The following SMG1 variants were observed in gnomAD, a reference collection of about 807,000 sequenced individuals.
SMG1 encodes the protein serine/threonine-protein kinase SMG1.
Under a neutral mutation model 419.9 loss-of-function variants are expected in SMG1, and 22 were observed. The ratio of observed to expected loss-of-function variants is 0.05; its 90% confidence interval spans 0.04 to 0.07. SMG1 has a LOEUF of 0.07. Among genes scored for constraint, SMG1 ranks in the 10% least tolerant of loss-of-function variants. The probability of loss-of-function intolerance (pLI) is 1.00; values close to 1 mark genes in which losing one functional copy is unlikely to be tolerated. For synonymous variants in SMG1, 1,538 were observed against 1,553.5 expected, an observed-to-expected ratio of 0.99 and a Z score of 0.23; for missense variants, 3,185 against 4,342.0, an observed-to-expected ratio of 0.73 and a Z score of 7.49.
intron 60 of SMG1, among the ~76,000 whole-genome samples, chr16:18,814,435 G>A (rs1009754398): frequency 1.3e-5 from 2 of 151,626 alleles, no homozygotes; most frequent in African/African-American, 4.8e-5. Context: ...GGGGGTGGAG[G>A]TTACAGTGAG....
intron 50 of SMG1, 76 bp downstream of exon 50, chr16:18,834,128 T>C: frequency 9.1e-7 from 1 of 1,097,810 alleles, no homozygotes; most frequent in Non-Finnish European, 1.3e-6. Flanking sequence ...GTCAAATTGC[T>C]TTCCTGGGTT....
In SMG1 at chr16:18,819,669, A is replaced by G; in HGVS notation, c.9742-15T>C. ...GCTAGCTTCTCCTATAAAAGCCAGC[A>G]GAATCTTGGTGAAGGTATATGACAT... is the stretch of plus-strand genomic sequence containing the variant. On this transcript the variant is annotated splice_polypyrimidine_tract_variant and intron_variant, in intron 55 of 62. Transcript: ENST00000446231. The G allele has an allele frequency of 6.5e-7, 1 of 1,536,698 alleles. No homozygotes were observed. The highest frequency in any genetic ancestry group is 8.8e-7 in the Non-Finnish European group (1 of 1,142,706).
At chr16:18,922,084 G>C (rs1596671625) in intron 1 of SMG1, among the ~76,000 whole-genome samples, 1 of 152,228 alleles carries the variant, frequency 6.6e-6, no homozygotes, top group East Asian at 1.9e-4. Context: ...CTTCTTTGTT[G>C]AATTAATCAA....
At chr16:18,844,474 TACAC>T (rs71141074) in intron 39 of SMG1, among the ~76,000 whole-genome samples, 268 of 4,176 alleles carry the variant, frequency 0.064, 91 homozygotes, top group East Asian at 0.093. Context: ...CCCGCCCACC[TACAC>T]ACACACACAC....
intron 27 of SMG1, 109 bp downstream of exon 27, chr16:18,859,447 G>C (rs1176145412): frequency 1.6e-5 from 10 of 638,400 alleles, no homozygotes; most frequent in Non-Finnish European, 2.7e-5. Flanking sequence ...GAAGCTATTA[G>C]CACTAGTATT....
intron 1 of SMG1, chr16:18,900,139 T>C (rs1038305907): frequency 6.2e-5 from 41 of 658,196 alleles, no homozygotes; most frequent in Non-Finnish European, 1.0e-4. Context: ...TTAGGTGCCT[T>C]TAGTTGAACT....
Position 18,806,996 on chromosome 16 carries a change from T to C in SMG1, c.*2573A>G, listed in dbSNP as rs1035866567. The C allele has an allele frequency of 3.9e-5, 6 of 152,258 alleles. No individual in the cohort carries two copies. Among genetic ancestry groups the C allele is most frequent in the African/African-American group, 1.4e-4 (6 of 41,464 alleles). 9.4% of individuals were successfully genotyped at this position (152,258 alleles called of 1,614,324 possible). ...AGGAGCAGGCTTTTGAAGTCATCTA[T>C]TACATCTGCCTTACAACCAAACCCA... On this transcript the variant is annotated 3_prime_UTR_variant, in exon 63 of 63. Transcript: ENST00000446231.
chr16:18,830,247 T>C lies in SMG1; in HGVS notation c.8915A>G (p.Glu2972Gly). Residue 2972 changes from glutamate (E) to glycine (G), a missense_variant, in exon 52 of 63, where the codon GAA becomes GGA. Transcript: ENST00000446231. The part of the protein sequence containing the change: ...VAFDGMFAQV[E>G]TAFSLLVEKL... ...TTCAACTAATAAGCTGAAAGCAGTT[T>C]CAACTTGAGCAAACATGCCATCGAA... 1 of 1,613,956 alleles carries C rather than the reference T, an allele frequency of 6.2e-7. No homozygotes were observed. Among genetic ancestry groups the C allele is most frequent in the Non-Finnish European group, 8.5e-7 (1 of 1,179,860 alleles).
intron 6 of SMG1, among the ~76,000 whole-genome samples, 179 bp downstream of exon 6, chr16:18,889,193 G>C (rs2036774749): frequency 6.6e-6 from 1 of 152,040 alleles, no homozygotes; most frequent in Non-Finnish European, 1.5e-5. Context: ...ATGTAGCACT[G>C]ATCCTTGAAC....
chr16:18,856,495 C>T (rs1418536514), intron 29 of SMG1: 1 of 152,350 alleles, frequency 6.6e-6, no homozygotes, highest in Admixed American at 6.6e-5. Context: ...CGCCCCCACG[C>T]CCAGCTAATT....
rs1331100763 is a variant in SMG1, at chr16:18,815,456, T to G, written c.10498A>C (p.Lys3500Gln). ...QEITPTLKEL[K>Q]TQSQSIYNNL... ...CATTCTTACCTCTGACTTTGTGTTT[T>G]CAGTTCTTTCAAGGTGGGAGTGATT... The change falls in exon 59 of 63, where the codon AAA becomes CAA. Residue 3500 changes from lysine to glutamine, a missense_variant. Transcript: ENST00000446231. 1.9e-6 allele frequency: 3 copies of G among 1,613,906 alleles called. No individual in the cohort carries two copies. The East Asian group carries it at 6.7e-5, about 36-fold the overall frequency.
chr16:18,867,061 A>G (rs1355997900), intron 22 of SMG1, among the ~76,000 whole-genome samples: 1 of 152,236 alleles, frequency 6.6e-6, no homozygotes, highest in Non-Finnish European at 1.5e-5. Flanking sequence ...TGGAGTAAAA[A>G]GAAAGCAAAA....
rs747511408 is a variant in SMG1, at chr16:18,812,017, C to T, written c.10732G>A (p.Val3578Ile). ...ATSADTPPST[V>I]PGTGKSVACS... ...GCAACACTCTTGCCAGTTCCTGGAA[C>T]GGTGCTTGGTGGAGTATCAGCTGAT... The change falls in exon 61 of 63, where the codon GTT becomes ATT. Residue 3578 changes from valine (V) to isoleucine (I), a missense_variant. Val to Ile is a conservative substitution (Grantham distance 29). Transcript: ENST00000446231. 4.2e-5 allele frequency: 67 copies of T among 1,613,902 alleles called. No homozygotes were observed. The Admixed American group carries it at 4.7e-4, about 11-fold the overall frequency.
chr16:18,857,843 A>C (rs2034999144), intron 29 of SMG1: 1 of 172,786 alleles, frequency 5.8e-6, no homozygotes, highest in Non-Finnish European at 1.2e-5. Context: ...CCTTAAAAAT[A>C]TCATGTTGAG....
chr16:18,836,500 T>C lies in SMG1; in HGVS notation c.7637A>G (p.Gln2546Arg), dbSNP rs1596489416. The change falls in exon 47 of 63, where the codon CAA becomes CGA. Residue 2546 changes from glutamine (Q) to arginine (R), a missense_variant. By Grantham distance (43) the Gln-to-Arg change is conservative. Coordinates refer to ENST00000446231, the MANE Select transcript of SMG1 (RefSeq NM_015092.5). Reference protein sequence around the residue: ...YSEHTQLQTQQRAVQEAIQVK... With the variant: ...YSEHTQLQTQRRAVQEAIQVK... ...CTGGATTGCTTCCTGAACAGCTCTTTGCTGAGTCTGTAGTTGGGTGTGCTC... is the reference window on the plus strand; with the variant it reads ...CTGGATTGCTTCCTGAACAGCTCTTCGCTGAGTCTGTAGTTGGGTGTGCTC... 1 of 1,614,048 alleles carries C rather than the reference T, an allele frequency of 6.2e-7. No homozygotes were observed. Among genetic ancestry groups the C allele is most frequent in the Non-Finnish European group, 8.5e-7 (1 of 1,179,896 alleles).
At chr16:18,920,129 C>T (rs547143594) in intron 1 of SMG1, among the ~76,000 whole-genome samples, 1 of 151,984 alleles carries the variant, frequency 6.6e-6, no homozygotes, top group South Asian at 2.1e-4. Context: ...CACCTGTAAT[C>T]CCAGCACTTT....
chr16:18,901,998 G>T (rs571807618), intron 1 of SMG1, among the ~76,000 whole-genome samples: 1 of 151,244 alleles, frequency 6.6e-6, no homozygotes, highest in Non-Finnish European at 1.5e-5. Context: ...TTCATCTGGG[G>T]GTTTTAGGCC....
At chr16:18,817,182 T>A in intron 57 of SMG1, 109 bp downstream of exon 57, 13 of 728,560 alleles carry the variant, frequency 1.8e-5, no homozygotes, top group Admixed American at 4.2e-5. Context: ...TAACAACCTC[T>A]TACATACAGT....
At chr16:18,860,865 A>G (rs62046313) in intron 25 of SMG1, 89 bp from the exon 26 acceptor site, 39,216 of 635,830 alleles carry the variant, frequency 0.062, 1,607 homozygotes, top group African/African-American at 0.15. Context: ...AAATCCTAGG[A>G]AGACAGCAAA....
Sources: gnomAD v4.1 joint callset for allele counts (sites outside exome capture counted in the v4.1 genomes callset) on GRCh38, gnomAD v4.1.1 for gene constraint, MANE v1.5 for transcripts, NCBI Gene and HGNC (gene_info 2026-07-23, HGNC 2026-07-21) for gene names.